Variants in CUX1 observed in about 807,000 individuals in gnomAD.
The protein encoded by CUX1 is protein CASP.
Under a neutral mutation model 158.8 loss-of-function variants are expected in CUX1, and 31 were observed. The ratio of observed to expected loss-of-function variants is 0.20; its 90% confidence interval spans 0.15 to 0.26. The LOEUF is 0.26. Ranked by LOEUF, CUX1 falls within the 10% of genes least tolerant of loss-of-function variation. The probability of loss-of-function intolerance (pLI) is 1.00; values close to 1 mark genes in which losing one functional copy is unlikely to be tolerated. For missense variants in CUX1, 1,589 were observed against 2,014.6 expected (o/e 0.79, Z 4.04); for synonymous variants, 879 against 862.1 (o/e 1.02, Z -0.34).
At chr7:102,030,258 C>T (rs1177460504) in intron 3 of CUX1, among the ~76,000 whole-genome samples, 1 of 152,200 alleles carries the variant, frequency 6.6e-6, no homozygotes, top group South Asian at 2.1e-4. Context: ...GTGATCCGCC[C>T]GCTTCGACCT....
chr7:102,175,362 C>T (rs1792196246), intron 10 of CUX1, among the ~76,000 whole-genome samples: 1 of 152,200 alleles, frequency 6.6e-6, no homozygotes. Flanking sequence ...TGTCTATGGC[C>T]AGCACCCCTC....
intron 1 of CUX1, among the ~76,000 whole-genome samples, chr7:101,830,023 G>A (rs138719873): frequency 2.0e-5 from 3 of 152,332 alleles, no homozygotes; most frequent in Non-Finnish European, 4.4e-5. Flanking sequence ...TGGGCGGTTC[G>A]GTGAGTGCTA....
rs144907719 is a variant in CUX1 at position 102,201,860 on chromosome 7, G to A, written c.2563G>A (p.Gly855Ser). The A allele has an allele frequency of 9.3e-5, 150 of 1,613,410 alleles. No individual in the cohort carries two copies. The highest frequency in any genetic ancestry group is 4.9e-4 in the African/African-American group (37 of 75,054). Reference protein sequence around the residue: ...ETGGGKEKGSGGSGGGSQPRA... With the variant: ...ETGGGKEKGSSGSGGGSQPRA... ...GGGCGGCGGGAAAGAGAAGGGCAGC[G>A]GTGGCAGCGGAGGTGGCAGCCAGCC... Residue 855 changes from glycine to serine, a missense_variant, in exon 18 of 24, where the codon GGT becomes AGT. This residue lies in a region of CUX1 where 337 missense variants were observed against 409.3 expected (regional missense o/e 0.82). Coordinates refer to ENST00000292535, the MANE Select transcript of CUX1 (RefSeq NM_181552.4). The surrounding 1 kb of genome is among the most constrained non-coding windows in gnomAD (Gnocchi z 5.0).
At chr7:101,997,005 G>T (rs1816003825) in intron 2 of CUX1, among the ~76,000 whole-genome samples, 1 of 152,112 alleles carries the variant, frequency 6.6e-6, no homozygotes, top group Non-Finnish European at 1.5e-5. Context: ...GCGCTCGTGT[G>T]CACTCCGGCC....
In CUX1 at chr7:102,093,976, C is replaced by G. The variant is rs192036738; in HGVS notation, c.269-3388C>G. On this transcript the variant is annotated intron_variant, in intron 4 of 23. Transcript: ENST00000292535. ...GCTAAGATCGGAGGCATCTGACGTT[C>G]GCATAAGACCTGACAATCCTTGTGT... Among the ~76,000 whole-genome samples, 41 of 152,234 alleles carry G rather than the reference C, an allele frequency of 2.7e-4. 1 individual carries two copies. In the East Asian group the frequency reaches 6.0e-3, roughly 22 times the overall value.
chr7:101,927,342 G>C (rs1461006121), intron 2 of CUX1, among the ~76,000 whole-genome samples: 1 of 152,114 alleles, frequency 6.6e-6, no homozygotes, highest in Non-Finnish European at 1.5e-5. Flanking sequence ...TAAGACCAGG[G>C]ATGCTATTTA....
intron 2 of CUX1, among the ~76,000 whole-genome samples, chr7:101,957,019 A>G (rs912850697): frequency 6.6e-6 from 1 of 152,214 alleles, no homozygotes; most frequent in Non-Finnish European, 1.5e-5. Flanking sequence ...TTGATATACT[A>G]AAAACAGGTG....
At chr7:102,042,816 A>G (rs1195165253) in intron 3 of CUX1, among the ~76,000 whole-genome samples, 1 of 151,958 alleles carries the variant, frequency 6.6e-6, no homozygotes, top group Non-Finnish European at 1.5e-5. Context: ...TTGAGACAGG[A>G]TCTCCCTCTG....
intron 4 of CUX1, among the ~76,000 whole-genome samples, chr7:102,076,540 TAGTC>T (rs1249788018): frequency 6.6e-6 from 1 of 152,120 alleles, no homozygotes; most frequent in Non-Finnish European, 1.5e-5. Context: ...TCTTATTTCT[TAGTC>T]AGTTTCGCGA....
At chr7:101,880,355 C>T (rs79292242) in intron 1 of CUX1, among the ~76,000 whole-genome samples, 5 of 152,238 alleles carry the variant, frequency 3.3e-5, no homozygotes, top group East Asian at 3.9e-4. Context: ...GGACGGTGTG[C>T]GTTCCCGGCA....
intron 3 of CUX1, among the ~76,000 whole-genome samples, chr7:102,045,546 A>T (rs1822660085): frequency 6.6e-6 from 1 of 152,282 alleles, no homozygotes; most frequent in African/African-American, 2.4e-5. Flanking sequence ...GTGGTCAGAA[A>T]TAAATGCTTG....
At chr7:102,160,521 G>A (rs1376840651) in intron 9 of CUX1, among the ~76,000 whole-genome samples, 3 of 152,192 alleles carry the variant, frequency 2.0e-5, no homozygotes, top group South Asian at 4.1e-4. Context: ...AGACAAGGCT[G>A]TAGGGACAGG....
chr7:101,874,422 G>T (rs530986537), intron 1 of CUX1, among the ~76,000 whole-genome samples: 1 of 152,216 alleles, frequency 6.6e-6, no homozygotes, highest in African/African-American at 2.4e-5. Flanking sequence ...CTCCCTGGGA[G>T]CCCTCGAACT....
At chr7:101,992,154 G>A (rs569099218) in intron 2 of CUX1, among the ~76,000 whole-genome samples, 1 of 152,192 alleles carries the variant, frequency 6.6e-6, no homozygotes, top group Admixed American at 6.5e-5. Flanking sequence ...AGGGTAGAAA[G>A]AGGCTTGGAG....
Position 102,253,081 on chromosome 7 carries a change from C to T in CUX1, c.*4039C>T, listed in dbSNP as rs1322186795. On this transcript the variant is annotated 3_prime_UTR_variant, in exon 24 of 24. Coordinates refer to ENST00000292535, the MANE Select transcript of CUX1 (RefSeq NM_181552.4). Reference sequence around the variant, plus strand: ...GCCTCCCTGGGGTAGATCCCTTGTACCTCCAAAGTACAAATACCTCCCTGC... The same window carrying T: ...GCCTCCCTGGGGTAGATCCCTTGTATCTCCAAAGTACAAATACCTCCCTGC... The T allele has an allele frequency of 7.1e-6, 7 of 985,308 alleles. No homozygotes were observed. Among genetic ancestry groups the T allele is most frequent in the Admixed American group, 6.1e-5 (1 of 16,262 alleles). The allele number at this position is 985,308 out of a possible 1,614,324, so 61.0% of individuals were successfully genotyped here.
chr7:101,903,248 C>T (rs937013528), intron 1 of CUX1, among the ~76,000 whole-genome samples: 10 of 152,172 alleles, frequency 6.6e-5, no homozygotes, highest in Middle Eastern at 3.4e-3. Flanking sequence ...CTACACAAGG[C>T]GGGTGGTGGC....
Position 102,201,450 on chromosome 7 carries a change from A to C in CUX1, c.2153A>C (p.Glu718Ala). The C allele has an allele frequency of 6.2e-7, 1 of 1,614,084 alleles. No individual in the cohort carries two copies. Among genetic ancestry groups the C allele is most frequent in the Non-Finnish European group, 8.5e-7 (1 of 1,180,024 alleles). The change falls in exon 18 of 24, where the codon GAG becomes GCG. Residue 718 changes from glutamate (E) to alanine (A), a missense_variant. This residue lies in a region of CUX1 where 337 missense variants were observed against 409.3 expected (regional missense o/e 0.82). Transcript: ENST00000292535. The surrounding 1 kb of genome is among the most constrained non-coding windows in gnomAD (Gnocchi z 5.0). ...SILQQARREMEAQQAALDPAL... is the reference protein window; with the variant it reads ...SILQQARREMAAQQAALDPAL... ...CTGCAGCAAGCCCGCCGGGAGATGG[A>C]GGCCCAGCAGGCTGCCCTCGACCCT... is the stretch of plus-strand genomic sequence containing the variant.
In CUX1 at chr7:102,202,998, A is replaced by T. The variant is rs560060498; in HGVS notation, c.2907+794A>T. Among the ~76,000 whole-genome samples the T allele has an allele frequency of 9.2e-5, 14 of 152,146 alleles. No homozygotes were observed. In the East Asian group the frequency reaches 2.7e-3, roughly 29 times the overall value. ...TATTTATTTTTTGAGATGGCGTCTC[A>T]CTCTGTCGCCCATGCTAGAGTGCAG... On this transcript the variant is annotated intron_variant, in intron 18 of 23. Coordinates refer to ENST00000292535, the MANE Select transcript of CUX1 (RefSeq NM_181552.4).
intron 9 of CUX1, among the ~76,000 whole-genome samples, chr7:102,160,417 G>A (rs1554506693): frequency 2.6e-5 from 4 of 152,082 alleles, no homozygotes; most frequent in Non-Finnish European, 5.9e-5. Context: ...TGTGGTCTCA[G>A]AGGCAGTCCC....
Sources: allele counts gnomAD v4.1 joint callset (sites outside exome capture counted in the v4.1 genomes callset), GRCh38; gene constraint gnomAD v4.1.1; regional missense constraint gnomAD v4.1.1; non-coding constraint Gnocchi (gnomAD v3.1); transcripts MANE v1.5; gene names NCBI Gene and HGNC (gene_info 2026-07-23, HGNC 2026-07-21).